The following RASSF6 variants were observed in gnomAD, a reference collection of about 807,000 sequenced individuals.
RASSF6 encodes Ras association domain family member 6.
A neutral mutation model predicts 44.0 loss-of-function variants in RASSF6; 52 were observed. The observed-to-expected ratio is 1.18, with a 90% CI of 0.95 to 1.49. The LOEUF is 1.49. Ranked by LOEUF, RASSF6 falls within the 40% of genes most tolerant of loss-of-function variation. RASSF6 has a pLI of 0.00. For synonymous variants in RASSF6, 162 were observed against 124.6 expected, an observed-to-expected ratio of 1.30 and a Z score of -2.00; for missense variants, 464 against 393.3, an observed-to-expected ratio of 1.18 and a Z score of -1.52.
chr4:73,573,826 TAG>T lies in RASSF6; in HGVS notation c.*2407_*2408del, dbSNP rs1723046481. On this transcript the variant is annotated 3_prime_UTR_variant, in exon 11 of 11. Coordinates refer to ENST00000307439, the MANE Select transcript of RASSF6 (RefSeq NM_177532.5). ...CTGTTGGTTGCCCGCTCCGTGAAAATAGATATAGACTCTTGAAATGTTTCCTT... is the reference window on the plus strand; with the variant it reads ...CTGTTGGTTGCCCGCTCCGTGAAAATATATAGACTCTTGAAATGTTTCCTT... 1 of 152,192 alleles carries T rather than the reference TAG, an allele frequency of 6.6e-6. No homozygotes were observed. Among genetic ancestry groups the T allele is most frequent in the Non-Finnish European group, 1.5e-5 (1 of 68,030 alleles). The allele number at this position is 152,192 out of a possible 1,614,324, so 9.4% of individuals were successfully genotyped here.
intron 3 of RASSF6, among the ~76,000 whole-genome samples, chr4:73,594,826 A>T (rs1209609189): frequency 6.6e-6 from 1 of 152,246 alleles, no homozygotes; most frequent in Non-Finnish European, 1.5e-5. Context: ...ACTAGAACTC[A>T]ATTAAGCCTT....
intron 3 of RASSF6, 151 bp downstream of exon 3, chr4:73,598,489 C>A: frequency 2.1e-6 from 1 of 487,742 alleles, no homozygotes; most frequent in Middle Eastern, 3.1e-4. Flanking sequence ...CTCAAAAATG[C>A]TTAGAAAGTC....
At chr4:73,613,826 TTGTA>T (rs1242210707) in intron 1 of RASSF6, among the ~76,000 whole-genome samples, 1 of 152,170 alleles carries the variant, frequency 6.6e-6, no homozygotes, top group East Asian at 1.9e-4. Flanking sequence ...GATTCCTCCT[TTGTA>T]TGATCACTAA....
At chr4:73,608,517 CT>C (rs1725802550) in intron 2 of RASSF6, among the ~76,000 whole-genome samples, 1 of 152,102 alleles carries the variant, frequency 6.6e-6, no homozygotes, top group South Asian at 2.1e-4. Context: ...ATAATAATTT[CT>C]TTTCATTTCA....
intron 8 of RASSF6, among the ~76,000 whole-genome samples, chr4:73,578,221 G>A (rs1723372472): frequency 6.6e-6 from 1 of 152,160 alleles, no homozygotes; most frequent in Non-Finnish European, 1.5e-5. Flanking sequence ...GCCCAAGAAT[G>A]ACTGGAAGGA....
intron 1 of RASSF6, among the ~76,000 whole-genome samples, chr4:73,617,873 C>A (rs1726459114): frequency 6.6e-6 from 1 of 152,130 alleles, no homozygotes; most frequent in South Asian, 2.1e-4. Context: ...ATGGCCTATA[C>A]TTGAATATTT....
chr4:73,597,333 T>C (rs1483262536), intron 3 of RASSF6, among the ~76,000 whole-genome samples: 1 of 152,134 alleles, frequency 6.6e-6, no homozygotes, highest in Non-Finnish European at 1.5e-5. Context: ...CAAACACTTC[T>C]TAAAATAAGA....
intron 4 of RASSF6, among the ~76,000 whole-genome samples, chr4:73,588,151 T>C (rs1164180658): frequency 6.6e-6 from 1 of 152,070 alleles, no homozygotes; most frequent in East Asian, 1.9e-4. Flanking sequence ...ATAGAGCATA[T>C]CTTTTTGACG....
chr4:73,597,613 A>C (rs760439498), intron 3 of RASSF6, among the ~76,000 whole-genome samples: 2 of 152,162 alleles, frequency 1.3e-5, no homozygotes, highest in Non-Finnish European at 2.9e-5. Context: ...CAGCAATCCC[A>C]TTACTGGGTA....
chr4:73,614,975 C>T lies in RASSF6; in HGVS notation c.-34-3146G>A, dbSNP rs559240346. 1.1e-4 allele frequency among the ~76,000 whole-genome samples: 16 copies of T among 152,016 alleles called. No homozygotes were observed. The South Asian group carries it at 3.3e-3, about 32-fold the overall frequency. On this transcript the variant is annotated intron_variant, in intron 1 of 10. Transcript: ENST00000307439. Reference sequence around the variant, plus strand: ...AGTTTAAATACCTGAAAGGTAAGAACATGCTTTGGTAAAAGTCCCATTGTT... The same window carrying T: ...AGTTTAAATACCTGAAAGGTAAGAATATGCTTTGGTAAAAGTCCCATTGTT...
intron 3 of RASSF6, 89 bp from the exon 4 acceptor site, chr4:73,593,682 A>T: frequency 7.8e-7 from 1 of 1,282,450 alleles, no homozygotes; most frequent in South Asian, 1.3e-5. Context: ...TTAAGTGCGT[A>T]AGAAACCTAA....
At chr4:73,587,577 AT>A in intron 5 of RASSF6, among the ~76,000 whole-genome samples, 1 of 152,160 alleles carries the variant, frequency 6.6e-6, no homozygotes, top group South Asian at 2.1e-4. Context: ...AGCTCTCCCT[AT>A]TCTAATAAAT....
At chr4:73,607,196 C>T (rs1725703345) in intron 2 of RASSF6, among the ~76,000 whole-genome samples, 1 of 152,242 alleles carries the variant, frequency 6.6e-6, no homozygotes, top group Non-Finnish European at 1.5e-5. Flanking sequence ...TTGTTAACAT[C>T]TTTAAATGTC....
At chr4:73,618,177 CTCTT>C (rs1451671427) in intron 1 of RASSF6, among the ~76,000 whole-genome samples, 2 of 152,038 alleles carry the variant, frequency 1.3e-5, no homozygotes, top group East Asian at 1.9e-4. Context: ...ACTCTTTTCT[CTCTT>C]TCTCTCTCTC....
Position 73,577,710 on chromosome 4 carries a change from C to T in RASSF6, c.722-979G>A, listed in dbSNP as rs75893222. Among the ~76,000 whole-genome samples the T allele has an allele frequency of 1.1e-3, 167 of 152,284 alleles. 3 individuals carry two copies. The East Asian group carries it at 0.031, about 28-fold the overall frequency. ...GACAACTTAGCTCCTCTCATCCACC[C>T]ACCAGAATCCTCTTTTGACCTTCAG... On this transcript the variant is annotated intron_variant, in intron 8 of 10. Coordinates refer to ENST00000307439, the MANE Select transcript of RASSF6 (RefSeq NM_177532.5).
At chr4:73,584,874 C>T (rs1457913949) in intron 6 of RASSF6, among the ~76,000 whole-genome samples, 1 of 152,038 alleles carries the variant, frequency 6.6e-6, no homozygotes, top group Non-Finnish European at 1.5e-5. Context: ...AGAGTTACTA[C>T]TTAAGAGTAG....
chr4:73,611,040 C>G (rs1004178750), intron 2 of RASSF6, among the ~76,000 whole-genome samples: 5 of 152,124 alleles, frequency 3.3e-5, no homozygotes, highest in African/African-American at 1.2e-4. Flanking sequence ...TTCCTACTGC[C>G]CAACCCTGCA....
chr4:73,618,300 G>GC (rs1169768805), intron 1 of RASSF6, among the ~76,000 whole-genome samples: 3 of 3,552 alleles, frequency 8.4e-4, no homozygotes, highest in Non-Finnish European at 3.8e-3. Flanking sequence ...ATATAAAGTT[G>GC]TTATCTATCT....
At chr4:73,592,833 C>T (rs1242434823) in intron 4 of RASSF6, among the ~76,000 whole-genome samples, 1 of 152,082 alleles carries the variant, frequency 6.6e-6, no homozygotes, top group Non-Finnish European at 1.5e-5. Flanking sequence ...TTTGCCTTTT[C>T]CAATGAAGGA....
Sources: allele counts gnomAD v4.1 joint callset (sites outside exome capture counted in the v4.1 genomes callset), GRCh38; gene constraint gnomAD v4.1.1; transcripts MANE v1.5; gene names NCBI Gene and HGNC (gene_info 2026-07-23, HGNC 2026-07-21).